SETBP1: variants seen among roughly 807,000 people sequenced by gnomAD.
SETBP1 encodes SET binding protein 1, also known as SET-binding protein.
Under a neutral mutation model 101.0 loss-of-function variants are expected in SETBP1, and 9 were observed. The observed-to-expected ratio is 0.09, with a 90% confidence interval of 0.05 to 0.16. The LOEUF is 0.16. Among genes scored for constraint, SETBP1 ranks in the 10% least tolerant of loss-of-function variants. SETBP1 has a pLI of 1.00. For synonymous variants in SETBP1, 818 were observed against 788.5 expected, an observed-to-expected ratio of 1.04 and a Z score of -0.63; for missense variants, 1,858 against 2,033.8, an observed-to-expected ratio of 0.91 and a Z score of 1.66.
At chr18:44,763,901 A>C (rs2070710767) in intron 2 of SETBP1, among the ~76,000 whole-genome samples, 1 of 152,178 alleles carries the variant, frequency 6.6e-6, no homozygotes, top group African/African-American at 2.4e-5. Flanking sequence ...CTCAGGGCTC[A>C]GTTCTCCACC....
chr18:44,711,906 G>A (rs1040814995), intron 2 of SETBP1, among the ~76,000 whole-genome samples: 3 of 151,850 alleles, frequency 2.0e-5, no homozygotes, highest in African/African-American at 7.3e-5. Context: ...GAAGGCAAGG[G>A]CCTCCCTGTA....
intron 2 of SETBP1, among the ~76,000 whole-genome samples, chr18:44,788,155 G>T (rs940827964): frequency 1.3e-5 from 2 of 151,858 alleles, no homozygotes; most frequent in Non-Finnish European, 2.9e-5. Flanking sequence ...CTTAGTTTCC[G>T]CTGGCTCCTG....
At chr18:44,911,474 C>T (rs1287782870) in intron 3 of SETBP1, among the ~76,000 whole-genome samples, 1 of 152,214 alleles carries the variant, frequency 6.6e-6, no homozygotes, top group Non-Finnish European at 1.5e-5. Flanking sequence ...TCCAAAGTCA[C>T]TCAACAGCGT....
At chr18:44,730,765 T>C (rs1461923) in intron 2 of SETBP1, among the ~76,000 whole-genome samples, 46,030 of 152,030 alleles carry the variant, frequency 0.3, 7,130 homozygotes, top group East Asian at 0.41. Flanking sequence ...TTAAATGGTA[T>C]CAGGGTTTCT....
intron 2 of SETBP1, among the ~76,000 whole-genome samples, chr18:44,825,132 A>G (rs1448016884): frequency 6.6e-6 from 1 of 152,254 alleles, no homozygotes; most frequent in African/African-American, 2.4e-5. Context: ...TTATGGTGCT[A>G]GACTTGGAGT....
At chr18:45,026,340 G>A (rs573381928) in intron 4 of SETBP1, among the ~76,000 whole-genome samples, 5 of 152,222 alleles carry the variant, frequency 3.3e-5, no homozygotes, top group Non-Finnish European at 5.9e-5. Flanking sequence ...GGCCTGAGAC[G>A]ATCCAAGGAC....
chr18:44,986,679 C>T (rs2072242533), intron 4 of SETBP1: 1 of 150,724 alleles, frequency 6.6e-6, no homozygotes, highest in Non-Finnish European at 1.5e-5. Flanking sequence ...CAGATACATT[C>T]ACCTAGGCCT....
At chr18:44,920,804 T>C (rs2070562653) in intron 3 of SETBP1, among the ~76,000 whole-genome samples, 1 of 152,158 alleles carries the variant, frequency 6.6e-6, no homozygotes, top group Non-Finnish European at 1.5e-5. Flanking sequence ...ATTTATGCTT[T>C]AAGAGTATAC....
At chr18:44,736,043 T>A (rs539559975) in intron 2 of SETBP1, among the ~76,000 whole-genome samples, 2 of 152,260 alleles carry the variant, frequency 1.3e-5, no homozygotes, top group South Asian at 4.2e-4. Flanking sequence ...CAAATGCAGG[T>A]CACTCTACTG....
intron 2 of SETBP1, among the ~76,000 whole-genome samples, chr18:44,748,726 T>G (rs1373824243): frequency 6.6e-6 from 1 of 152,236 alleles, no homozygotes; most frequent in Non-Finnish European, 1.5e-5. Flanking sequence ...TGGCTTGGTA[T>G]TTCTGGACCT....
chr18:44,821,747 A>G (rs1050487435), intron 2 of SETBP1, among the ~76,000 whole-genome samples: 2 of 152,238 alleles, frequency 1.3e-5, no homozygotes, highest in South Asian at 2.1e-4. Context: ...AGCGGGAAAG[A>G]AAGACTCATG....
At chr18:44,993,384 A>T (rs2072421921) in intron 4 of SETBP1, among the ~76,000 whole-genome samples, 1 of 152,060 alleles carries the variant, frequency 6.6e-6, no homozygotes, top group Non-Finnish European at 1.5e-5. Flanking sequence ...TTTTCTTATG[A>T]TATGACTACA....
At chr18:44,808,444 G>A (rs552155031) in intron 2 of SETBP1, among the ~76,000 whole-genome samples, 179 of 152,322 alleles carry the variant, frequency 1.2e-3, no homozygotes, top group African/African-American at 4.3e-3. Flanking sequence ...AGTTGGGAAA[G>A]GTCAGAGCCA....
chr18:44,733,912 TC>T (rs1455152782), intron 2 of SETBP1, among the ~76,000 whole-genome samples: 3 of 152,098 alleles, frequency 2.0e-5, no homozygotes, highest in African/African-American at 4.8e-5. Flanking sequence ...GATTTGCAAA[TC>T]CACAGATGTG....
chr18:44,864,708 C>A (rs1016433403), intron 2 of SETBP1, among the ~76,000 whole-genome samples: 2 of 152,124 alleles, frequency 1.3e-5, no homozygotes, highest in Non-Finnish European at 2.9e-5. Context: ...ACCCTCTCGA[C>A]CCTCTAGCTG....
At chr18:44,936,225 G>A (rs1231273405) in intron 3 of SETBP1, among the ~76,000 whole-genome samples, 1 of 152,152 alleles carries the variant, frequency 6.6e-6, no homozygotes. Context: ...TGAGCAGGGA[G>A]GGCAGAGGCT....
intron 2 of SETBP1, among the ~76,000 whole-genome samples, chr18:44,724,005 T>G (rs770763328): frequency 9.9e-5 from 15 of 151,978 alleles, no homozygotes; most frequent in Admixed American, 9.8e-4. Context: ...TGGGAAGGAG[T>G]GCTATCAGAG....
chr18:44,884,722 T>C (rs1027071176), intron 3 of SETBP1, among the ~76,000 whole-genome samples: 7 of 152,338 alleles, frequency 4.6e-5, no homozygotes, highest in South Asian at 4.1e-4. Flanking sequence ...ATACTCTTGT[T>C]TGAATAAAAC....
At chr18:44,693,287 C>T (rs1473201090) in intron 1 of SETBP1, among the ~76,000 whole-genome samples, 7 of 152,062 alleles carry the variant, frequency 4.6e-5, no homozygotes, top group Non-Finnish European at 4.4e-5. Context: ...TGTGCCAAGC[C>T]CTGGGGGTGA....
Sources: gnomAD v4.1 joint callset for allele counts (sites outside exome capture counted in the v4.1 genomes callset) on GRCh38, gnomAD v4.1.1 for gene constraint, MANE v1.5 for transcripts, NCBI Gene and HGNC (gene_info 2026-07-23, HGNC 2026-07-21) for gene names.